THSD7B: variants seen among roughly 807,000 people sequenced by gnomAD.
THSD7B encodes thrombospondin type-1 domain-containing protein 7B.
In THSD7B, 138 loss-of-function variants were observed where a neutral mutation model predicts 213.6. The observed-to-expected ratio is 0.65, with a 90% CI of 0.56 to 0.74. The LOEUF (loss-of-function observed/expected upper bound fraction) is 0.74. Ranked by LOEUF, THSD7B falls within the 30% of genes least tolerant of loss-of-function variation. THSD7B has a pLI of 0.00. For synonymous variants in THSD7B, 742 were observed against 687.0 expected, an observed-to-expected ratio of 1.08 and a Z score of -1.25; for missense variants, 1,931 against 1,991.5, an observed-to-expected ratio of 0.97 and a Z score of 0.58.
intron 16 of THSD7B, among the ~76,000 whole-genome samples, chr2:137,568,476 G>A (rs964140764): frequency 1.1e-3 from 160 of 152,258 alleles, no homozygotes; most frequent in African/African-American, 3.6e-3. Flanking sequence ...AACAGCCAGT[G>A]TATTAGTCTA....
intron 2 of THSD7B, among the ~76,000 whole-genome samples, chr2:136,927,655 A>T (rs1684562646): frequency 1.3e-5 from 2 of 152,158 alleles, no homozygotes; most frequent in African/African-American, 4.8e-5. Context: ...GTTGGCTTGA[A>T]CCAAAGTGAA....
chr2:137,392,831 T>C (rs530851104), intron 12 of THSD7B, among the ~76,000 whole-genome samples: 2 of 152,254 alleles, frequency 1.3e-5, no homozygotes, highest in African/African-American at 4.8e-5. Context: ...TATTTGTCTT[T>C]AGGTGAAATT....
chr2:137,347,808 T>G (rs1684910868), intron 12 of THSD7B, among the ~76,000 whole-genome samples: 1 of 151,518 alleles, frequency 6.6e-6, no homozygotes, highest in African/African-American at 2.4e-5. Context: ...TAAGAGTTAT[T>G]TACATGAAAA....
At chr2:137,201,702 T>C (rs1680878433) in intron 7 of THSD7B, among the ~76,000 whole-genome samples, 1 of 152,166 alleles carries the variant, frequency 6.6e-6, no homozygotes, top group Non-Finnish European at 1.5e-5. Context: ...CCCACAGTTC[T>C]CCAAAGTGGC....
At chr2:136,856,083 A>G (rs527590848) in intron 1 of THSD7B, among the ~76,000 whole-genome samples, 1 of 152,300 alleles carries the variant, frequency 6.6e-6, no homozygotes, top group African/African-American at 2.4e-5. Flanking sequence ...TATCACTTTC[A>G]GGAATAATTT....
intron 2 of THSD7B, among the ~76,000 whole-genome samples, chr2:136,938,525 T>A (rs1330191823): frequency 6.6e-6 from 1 of 152,196 alleles, no homozygotes; most frequent in Non-Finnish European, 1.5e-5. Context: ...CTGTGTATAT[T>A]TTTTCATTTG....
chr2:136,850,694 G>A (rs1163735543), intron 1 of THSD7B, among the ~76,000 whole-genome samples: 1 of 151,754 alleles, frequency 6.6e-6, no homozygotes, highest in African/African-American at 2.4e-5. Context: ...ATACAGGATA[G>A]TTTCTACCTA....
At chr2:137,621,525 G>A (rs1682520360) in intron 20 of THSD7B, among the ~76,000 whole-genome samples, 1 of 152,196 alleles carries the variant, frequency 6.6e-6, no homozygotes, top group Non-Finnish European at 1.5e-5. Flanking sequence ...ACTCAGTAGT[G>A]AGGCAGGTAA....
At chr2:137,291,369 T>C (rs887119264) in intron 12 of THSD7B, among the ~76,000 whole-genome samples, 1 of 152,170 alleles carries the variant, frequency 6.6e-6, no homozygotes, top group African/African-American at 2.4e-5. Flanking sequence ...GCTCCCAAAA[T>C]GCAGAAAATG....
rs745623270 is a variant in THSD7B at position 137,411,614 on chromosome 2, A to G, written c.2701A>G (p.Ser901Gly). ...AATGTCTCTTGTTGGAACAGGGAAA[A>G]GCAGAAAGAAGGAGAAATGCCAGGA... ...KSRRRQLTGK[S>G]RKKEKCQDSD... Residue 901 changes from serine (S) to glycine (G), a missense_variant, in exon 14 of 28, where the codon AGC becomes GGC. Transcript: ENST00000409968. The G allele has an allele frequency of 1.2e-6, 2 of 1,609,832 alleles. No individual in the cohort carries two copies. Among genetic ancestry groups the G allele is most frequent in the Non-Finnish European group, 1.7e-6 (2 of 1,176,992 alleles).
At chr2:137,624,644 C>G (rs541082203) in intron 20 of THSD7B, among the ~76,000 whole-genome samples, 4 of 152,226 alleles carry the variant, frequency 2.6e-5, no homozygotes, top group African/African-American at 9.6e-5. Flanking sequence ...ATCAAACAAC[C>G]TCATCAACAA....
At chr2:137,159,910 C>T (rs979323346) in intron 5 of THSD7B, among the ~76,000 whole-genome samples, 1 of 152,060 alleles carries the variant, frequency 6.6e-6, no homozygotes, top group African/African-American at 2.4e-5. Flanking sequence ...TTTAAAAAGT[C>T]ATAACTCTAG....
chr2:137,595,226 CTCTA>C (rs1347775448), intron 17 of THSD7B, among the ~76,000 whole-genome samples: 1 of 151,850 alleles, frequency 6.6e-6, no homozygotes, highest in Non-Finnish European at 1.5e-5. Context: ...TGTTGTATTC[CTCTA>C]TCTATTCCAA....
At chr2:136,790,455 A>G (rs538434250) in intron 1 of THSD7B, among the ~76,000 whole-genome samples, 21 of 152,096 alleles carry the variant, frequency 1.4e-4, no homozygotes, top group Non-Finnish European at 2.4e-4. Flanking sequence ...TTCTTTATGA[A>G]TGTTTTATCA....
chr2:136,944,245 G>C (rs866653407), intron 2 of THSD7B, among the ~76,000 whole-genome samples: 6 of 152,296 alleles, frequency 3.9e-5, no homozygotes, highest in Middle Eastern at 3.4e-3. Flanking sequence ...TGGTCTGAGA[G>C]ACAGTTTGTT....
At chr2:137,218,117 A>G (rs1389477983) in intron 7 of THSD7B, among the ~76,000 whole-genome samples, 1 of 152,206 alleles carries the variant, frequency 6.6e-6, no homozygotes, top group Non-Finnish European at 1.5e-5. Flanking sequence ...TATTAATGAT[A>G]TAATTACAAT....
intron 5 of THSD7B, among the ~76,000 whole-genome samples, chr2:137,143,088 A>C (rs1403018421): frequency 6.6e-6 from 1 of 152,152 alleles, no homozygotes; most frequent in African/African-American, 2.4e-5. Flanking sequence ...GACTTTAAAA[A>C]AATAAATCAC....
intron 2 of THSD7B, among the ~76,000 whole-genome samples, chr2:137,019,867 G>C (rs1179561318): frequency 6.6e-6 from 1 of 152,142 alleles, no homozygotes; most frequent in African/African-American, 2.4e-5. Context: ...TTTAGAGATA[G>C]AAATAAATAT....
intron 12 of THSD7B, among the ~76,000 whole-genome samples, chr2:137,379,079 C>T (rs529605609): frequency 9.2e-5 from 14 of 152,216 alleles, no homozygotes; most frequent in Admixed American, 2.6e-4. Context: ...GCTCAACAAA[C>T]GCCTTGGAAT....
Sources: gnomAD v4.1 joint callset for allele counts (sites outside exome capture counted in the v4.1 genomes callset) on GRCh38, gnomAD v4.1.1 for gene constraint, MANE v1.5 for transcripts, NCBI Gene and HGNC (gene_info 2026-07-23, HGNC 2026-07-21) for gene names.